Variants in PNOC observed in about 807,000 individuals in gnomAD.
PNOC encodes the protein prepronociceptin.
Under a neutral mutation model 15.6 loss-of-function variants are expected in PNOC, and 10 were observed. The ratio of observed to expected loss-of-function variants is 0.64; its 90% CI spans 0.40 to 1.09. The LOEUF is 1.09. PNOC is among the 50% of genes least tolerant of loss of function. The pLI, the probability that PNOC is intolerant of heterozygous loss-of-function variation, is 0.01. For missense variants in PNOC, 220 were observed against 223.9 expected, an observed-to-expected ratio of 0.98 and a Z score of 0.11; for synonymous variants, 98 against 88.5, an observed-to-expected ratio of 1.11 and a Z score of -0.60.
At chr8:28,319,050 G>A (rs1801105400) in intron 1 of PNOC, among the ~76,000 whole-genome samples, 1 of 152,054 alleles carries the variant, frequency 6.6e-6, no homozygotes, top group Non-Finnish European at 1.5e-5. Flanking sequence ...ATTCAGCAGA[G>A]GTGATAATAA....
intron 2 of PNOC, among the ~76,000 whole-genome samples, chr8:28,335,608 A>T (rs982742266): frequency 6.6e-6 from 1 of 151,720 alleles, no homozygotes; most frequent in Non-Finnish European, 1.5e-5. Context: ...GTTCACCACA[A>T]CCTCCGCCTC....
rs76786693 is a variant in PNOC at position 28,339,266 on chromosome 8, C to G, written c.353C>G (p.Ala118Gly). 9.8e-3 allele frequency: 15,769 copies of G among 1,608,402 alleles called. 1,028 individuals carry two copies. In the East Asian group the frequency reaches 0.15, roughly 15 times the overall value. The change falls in exon 3 of 4, where the codon GCT becomes GGT. Residue 118 changes from alanine (A) to glycine (G), a missense_variant. Ala to Gly is a moderately conservative substitution (Grantham distance 60, BLOSUM62 0). Coordinates refer to ENST00000301908, the MANE Select transcript of PNOC (RefSeq NM_006228.5). ...GAGCCCGAGCCTGGCATGGAGGAGG[C>G]TGGTGAGATGGAGCAGAAGCAGCTG... ...QEEPEPGMEE[A>G]GEMEQKQLQK...
At chr8:28,319,703 C>A (rs112868863) in intron 1 of PNOC, among the ~76,000 whole-genome samples, 14 of 152,280 alleles carry the variant, frequency 9.2e-5, no homozygotes, top group Admixed American at 9.2e-4. Context: ...ATTTCTCCAT[C>A]CAGCTCCACA....
intron 1 of PNOC, among the ~76,000 whole-genome samples, chr8:28,321,085 C>A (rs1439147767): frequency 1.3e-5 from 2 of 152,086 alleles, no homozygotes; most frequent in Non-Finnish European, 2.9e-5. Context: ...GTCACCCACA[C>A]TGGAGTGCAG....
rs142337272 is a variant in PNOC at position 28,339,400 on chromosome 8, T to A, written c.487T>A (p.Ser163Thr). 3 of 1,558,894 alleles carry A rather than the reference T, an allele frequency of 1.9e-6. No homozygotes were observed. In the African/African-American group the frequency reaches 4.1e-5, roughly 21 times the overall value. ...MRQYLVLSMQ[S>T]SQRRRTLHQN... ...GCAATACTTGGTCCTGAGCATGCAG[T>A]CCAGCCAGCGCCGGCGCACCCTGCA... is the stretch of plus-strand genomic sequence containing the variant. Residue 163 changes from serine (S) to threonine (T), a missense_variant, in exon 3 of 4, where the codon TCC (serine) becomes ACC (threonine). Coordinates refer to ENST00000301908, the MANE Select transcript of PNOC (RefSeq NM_006228.5).
At position 28,330,400 on chromosome 8, in the gene PNOC, T is replaced by TATTTTTATTTTTTTTTTTA. The variant is rs1431540071; in HGVS notation, c.126+1117_126+1118insATTTTTATTTTTTTTTTTA. Among the ~76,000 whole-genome samples, 135 of 102,244 alleles carry TATTTTTATTTTTTTTTTTA rather than the reference T, an allele frequency of 1.3e-3. 2 individuals are homozygous for TATTTTTATTTTTTTTTTTA. The highest frequency in any genetic ancestry group is 1.9e-3 in the Non-Finnish European group (95 of 49,056). The allele number at this position is 102,244 out of a possible 152,430, so 67.1% of individuals were successfully genotyped here. A position where few individuals can be genotyped will look rare whatever the true frequency, so the allele number is the denominator to read the frequency against. On this transcript the variant is annotated intron_variant, in intron 2 of 3. Transcript: ENST00000301908. The stretch of plus-strand genomic sequence containing the variant: ...TATTTTATTTTATTTTATTTTATTT[T>TATTTTTATTTTTTTTTTTA]TTTTTTTTTTTTGAGACGGAGTCTT...
At chr8:28,330,676 A>G (rs1221154661) in intron 2 of PNOC, among the ~76,000 whole-genome samples, 1 of 147,994 alleles carries the variant, frequency 6.8e-6, no homozygotes, top group East Asian at 2.0e-4. Context: ...GCTGGGATTT[A>G]CAGGCGTGAG....
At chr8:28,319,897 G>A (rs910414526) in intron 1 of PNOC, among the ~76,000 whole-genome samples, 2 of 151,980 alleles carry the variant, frequency 1.3e-5, no homozygotes, top group African/African-American at 2.4e-5. Context: ...TTTTCTAAAC[G>A]CCTTTATTTA....
At chr8:28,331,810 C>G (rs1801333957) in intron 2 of PNOC, among the ~76,000 whole-genome samples, 1 of 152,156 alleles carries the variant, frequency 6.6e-6, no homozygotes, top group Admixed American at 6.5e-5. Flanking sequence ...CTGCAGGACT[C>G]TCTCTCCCCA....
chr8:28,322,173 G>A (rs968613859), intron 1 of PNOC, among the ~76,000 whole-genome samples: 5 of 152,040 alleles, frequency 3.3e-5, no homozygotes, highest in South Asian at 4.2e-4. Context: ...AGGATCATTC[G>A]AGGTCAGGAG....
intron 3 of PNOC, among the ~76,000 whole-genome samples, chr8:28,341,201 C>T (rs781747522): frequency 2.0e-5 from 3 of 152,202 alleles, no homozygotes; most frequent in Non-Finnish European, 4.4e-5. Flanking sequence ...ATGGAGACGG[C>T]CCCTTTGCAG....
Position 28,329,358 on chromosome 8 carries a change from T to C in PNOC, c.126+75T>C, listed in dbSNP as rs542304696. 25 of 1,557,286 alleles carry C rather than the reference T, an allele frequency of 1.6e-5. No individual in the cohort carries two copies. In the East Asian group the frequency reaches 4.5e-4, roughly 28 times the overall value. On this transcript the variant is annotated intron_variant, in intron 2 of 3. Transcript: ENST00000301908. ...CCTCCCTCCCTACTCCAGAGCAGACTCTGAGTGAGAAGCCAAGGCCTCTCC... is the reference window on the plus strand; with the variant it reads ...CCTCCCTCCCTACTCCAGAGCAGACCCTGAGTGAGAAGCCAAGGCCTCTCC...
Position 28,322,111 on chromosome 8 carries a change from G to A in PNOC, c.-24+4795G>A, listed in dbSNP as rs899501545. On this transcript the variant is annotated intron_variant, in intron 1 of 3. Coordinates refer to ENST00000301908, the MANE Select transcript of PNOC (RefSeq NM_006228.5). ...CCATAAAGAGGTTGTCATCAGCCCC[G>A]GCACAGTGGCTCATGCCTGTAATCC... Among the ~76,000 whole-genome samples the A allele has an allele frequency of 2.6e-5, 4 of 152,258 alleles. No individual in the cohort carries two copies. The South Asian group carries it at 6.2e-4, about 24-fold the overall frequency.
intron 2 of PNOC, chr8:28,338,556 A>G (rs1373061130): frequency 1.0e-6 from 1 of 981,694 alleles, no homozygotes; most frequent in African/African-American, 1.7e-5. Context: ...AGATCTTTAC[A>G]TGGTGACCTT....
At chr8:28,328,028 A>G (rs1473240825) in intron 1 of PNOC, among the ~76,000 whole-genome samples, 3 of 145,254 alleles carry the variant, frequency 2.1e-5, no homozygotes, top group Non-Finnish European at 4.5e-5. Context: ...TTGTGATCTC[A>G]TCATCTCCCA....
At chr8:28,320,779 A>G (rs1312253290) in intron 1 of PNOC, among the ~76,000 whole-genome samples, 1 of 140,946 alleles carries the variant, frequency 7.1e-6, no homozygotes, top group Non-Finnish European at 1.5e-5. Flanking sequence ...TGAACTCGGG[A>G]GGTGGAGGTT....
At chr8:28,336,504 G>A (rs553699292) in intron 2 of PNOC, among the ~76,000 whole-genome samples, 2 of 152,278 alleles carry the variant, frequency 1.3e-5, no homozygotes, top group South Asian at 4.1e-4. Flanking sequence ...GCAGGTGCGA[G>A]GAGCTTTGCG....
intron 2 of PNOC, among the ~76,000 whole-genome samples, chr8:28,334,791 G>A (rs1801385958): frequency 6.6e-6 from 1 of 152,302 alleles, no homozygotes; most frequent in East Asian, 1.9e-4. Flanking sequence ...ACCATGCCCA[G>A]CACAGTAGCA....
intron 1 of PNOC, among the ~76,000 whole-genome samples, chr8:28,320,051 C>T (rs1801121122): frequency 6.8e-6 from 1 of 147,634 alleles, no homozygotes; most frequent in African/African-American, 2.5e-5. Context: ...TTTCCACGAT[C>T]CTGTGGGGTT....
Sources: gnomAD v4.1 joint callset for allele counts (sites outside exome capture counted in the v4.1 genomes callset) on GRCh38, gnomAD v4.1.1 for gene constraint, MANE v1.5 for transcripts, NCBI Gene and HGNC (gene_info 2026-07-23, HGNC 2026-07-21) for gene names.